CDH13: variants seen among roughly 807,000 people sequenced by gnomAD.
CDH13 encodes cadherin 13, also known as cadherin-13.
In CDH13, 24 loss-of-function variants were observed where a neutral mutation model predicts 63.8. That is an observed-to-expected ratio of 0.38 (90% CI 0.27 to 0.53). CDH13 has a LOEUF of 0.53. Ranked by LOEUF, CDH13 falls within the 20% of genes least tolerant of loss-of-function variation. The probability of loss-of-function intolerance (pLI) is 0.85; values close to 1 mark genes in which losing one functional copy is unlikely to be tolerated. For missense variants in CDH13, 1,049 were observed against 903.1 expected, an observed-to-expected ratio of 1.16 and a Z score of -2.07; for synonymous variants, 503 against 355.3, an observed-to-expected ratio of 1.42 and a Z score of -4.67.
chr16:82,727,703 A>G (rs1021821618), intron 1 of CDH13: 5 of 152,204 alleles, frequency 3.3e-5, no homozygotes, highest in East Asian at 3.9e-4. Flanking sequence ...GGACAAAAAA[A>G]AGAAATCACA....
At chr16:83,726,070 A>G (rs1253264644) in intron 10 of CDH13, 4 of 152,210 alleles carry the variant, frequency 2.6e-5, no homozygotes, top group Non-Finnish European at 5.9e-5. Context: ...CTTACACAAC[A>G]TTGTAAAGTG....
chr16:83,034,887 G>T (rs1916707061), intron 3 of CDH13, among the ~76,000 whole-genome samples: 2 of 152,098 alleles, frequency 1.3e-5, no homozygotes, highest in South Asian at 4.1e-4. Context: ...TTTCTCGCTT[G>T]CTGCTGTCTG....
intron 7 of CDH13, among the ~76,000 whole-genome samples, chr16:83,489,616 T>C (rs890981797): frequency 3.3e-5 from 5 of 152,190 alleles, no homozygotes; most frequent in African/African-American, 7.2e-5. Context: ...TCCAGTGGAG[T>C]TCCCCAGAGT....
chr16:83,308,295 G>C (rs1050877882), intron 5 of CDH13, among the ~76,000 whole-genome samples: 1 of 152,084 alleles, frequency 6.6e-6, no homozygotes, highest in South Asian at 2.1e-4. Flanking sequence ...CTCATGAAGG[G>C]GTTCATTAGC....
intron 2 of CDH13, among the ~76,000 whole-genome samples, chr16:82,942,760 A>G (rs776234346): frequency 2.6e-5 from 4 of 152,108 alleles, no homozygotes; most frequent in Non-Finnish European, 4.4e-5. Context: ...AACATGTGAT[A>G]TGCCCAAGGT....
intron 1 of CDH13, among the ~76,000 whole-genome samples, chr16:82,774,258 C>G (rs1567519738): frequency 6.6e-6 from 1 of 151,858 alleles, no homozygotes; most frequent in Admixed American, 6.6e-5. Flanking sequence ...AATATAGGCT[C>G]TGGTGTCATA....
chr16:83,093,866 T>TG (rs2151587994), intron 3 of CDH13, among the ~76,000 whole-genome samples: 1 of 152,186 alleles, frequency 6.6e-6, no homozygotes, highest in East Asian at 1.9e-4. Context: ...AGAAAGCACT[T>TG]GCAATAGTAT....
intron 2 of CDH13, among the ~76,000 whole-genome samples, chr16:82,936,402 C>T (rs2042668885): frequency 6.6e-6 from 1 of 152,066 alleles, no homozygotes; most frequent in Non-Finnish European, 1.5e-5. Context: ...ATTGTGTGCT[C>T]CTTATGAGAA....
intron 1 of CDH13, among the ~76,000 whole-genome samples, chr16:82,752,369 C>G (rs1259717202): frequency 6.6e-6 from 1 of 152,154 alleles, no homozygotes. Context: ...GGTGCACTGC[C>G]TTGTGCTGAC....
chr16:83,034,468 GC>G (rs1474327217), intron 3 of CDH13, among the ~76,000 whole-genome samples: 1 of 152,190 alleles, frequency 6.6e-6, no homozygotes, highest in Non-Finnish European at 1.5e-5. Flanking sequence ...ACAAAGGCAA[GC>G]TTTTCTCTTA....
chr16:82,756,746 C>A (rs1175571878), intron 1 of CDH13, among the ~76,000 whole-genome samples: 2 of 152,148 alleles, frequency 1.3e-5, no homozygotes, highest in Non-Finnish European at 2.9e-5. Flanking sequence ...TGAATATAAG[C>A]AGTACCTGAG....
intron 8 of CDH13, among the ~76,000 whole-genome samples, chr16:83,657,175 A>G (rs1912945261): frequency 6.6e-6 from 1 of 152,218 alleles, no homozygotes; most frequent in South Asian, 2.1e-4. Flanking sequence ...GATCCAGCTC[A>G]TTGTAAAGAA....
At chr16:83,681,178 G>A (rs1465372863) in intron 10 of CDH13, among the ~76,000 whole-genome samples, 1 of 152,076 alleles carries the variant, frequency 6.6e-6, no homozygotes, top group East Asian at 1.9e-4. Flanking sequence ...GCCTGCAGGG[G>A]CGGCTACCCG....
chr16:83,323,871 T>G (rs2090296685), intron 5 of CDH13, among the ~76,000 whole-genome samples: 1 of 152,136 alleles, frequency 6.6e-6, no homozygotes, highest in South Asian at 2.1e-4. Context: ...CTGAGATAGT[T>G]ATTTCCTCAC....
intron 5 of CDH13, among the ~76,000 whole-genome samples, chr16:83,311,829 C>G (rs1320808518): frequency 6.6e-6 from 1 of 152,196 alleles, no homozygotes; most frequent in African/African-American, 2.4e-5. Context: ...AATCCCAGCA[C>G]TTTGGGAGGC....
At chr16:83,471,584 C>T (rs770313774) in intron 6 of CDH13, among the ~76,000 whole-genome samples, 1 of 152,154 alleles carries the variant, frequency 6.6e-6, no homozygotes, top group South Asian at 2.1e-4. Flanking sequence ...TTTCTAACCA[C>T]ACTTTTATGC....
intron 10 of CDH13, among the ~76,000 whole-genome samples, chr16:83,685,925 G>C (rs1257201214): frequency 6.6e-6 from 1 of 152,076 alleles, no homozygotes; most frequent in African/African-American, 2.4e-5. Context: ...TGAGAATGAT[G>C]GTAATAATAT....
chr16:82,692,687 G>T (rs994604622), intron 1 of CDH13, among the ~76,000 whole-genome samples: 2 of 152,166 alleles, frequency 1.3e-5, no homozygotes, highest in Non-Finnish European at 2.9e-5. Context: ...ATGGCAGTGT[G>T]GTCCTTAGCA....
intron 4 of CDH13, among the ~76,000 whole-genome samples, chr16:83,207,156 A>G (rs150308555): frequency 0.013 from 2,034 of 152,314 alleles, 45 homozygotes; most frequent in African/African-American, 0.046. Flanking sequence ...GTACATCCAC[A>G]TTATTGTGCA....
Sources: gnomAD v4.1 joint callset for allele counts (sites outside exome capture counted in the v4.1 genomes callset) on GRCh38, gnomAD v4.1.1 for gene constraint, MANE v1.5 for transcripts, NCBI Gene and HGNC (gene_info 2026-07-23, HGNC 2026-07-21) for gene names.